The following DCAF6 variants were observed in gnomAD, a reference collection of about 807,000 sequenced individuals.
DCAF6 encodes the protein DDB1- and CUL4-associated factor 6.
DCAF6 carries 54 observed loss-of-function variants against 125.1 expected under a neutral mutation model. The observed-to-expected ratio is 0.43, with a 90% confidence interval of 0.35 to 0.54. The LOEUF is 0.54. Among genes scored for constraint, DCAF6 ranks in the 20% least tolerant of loss-of-function variants. DCAF6 has a pLI of 0.01. For missense variants in DCAF6, 934 were observed against 1,161.7 expected (o/e 0.80, Z 2.85); for synonymous variants, 371 against 390.4 (o/e 0.95, Z 0.58).
At chr1:167,899,369 G>C in the DCAF6 span, 7 of 1,558,974 alleles carry the variant, frequency 4.5e-6, no homozygotes, top group Middle Eastern at 1.7e-4. Context: ...TTCTGGCAGG[G>C]GGCCTCTGTT....
chr1:168,019,925 G>A (rs565405440), intron 11 of DCAF6: 3 of 155,070 alleles, frequency 1.9e-5, no homozygotes, highest in South Asian at 2.0e-4. Flanking sequence ...TGTGTTTGAT[G>A]TTTATAAGTA....
At chr1:167,899,937 C>G in the DCAF6 span, among the ~76,000 whole-genome samples, 1 of 152,156 alleles carries the variant, frequency 6.6e-6, no homozygotes, top group Non-Finnish European at 1.5e-5. Context: ...TTAAGGGCAA[C>G]AGGGAATACC....
At chr1:167,865,770 C>T in the DCAF6 span, among the ~76,000 whole-genome samples, 1 of 152,218 alleles carries the variant, frequency 6.6e-6, no homozygotes, top group African/African-American at 2.4e-5. Flanking sequence ...TCCATCTGCA[C>T]ATTAAACAAA....
At chr1:168,028,418 C>A (rs1686622038) in intron 12 of DCAF6, among the ~76,000 whole-genome samples, 1 of 152,076 alleles carries the variant, frequency 6.6e-6, no homozygotes, top group Non-Finnish European at 1.5e-5. Flanking sequence ...GCTTTCTATT[C>A]CTTACAGTGA....
At chr1:167,906,743 C>T in the DCAF6 span, among the ~76,000 whole-genome samples, 4 of 151,904 alleles carry the variant, frequency 2.6e-5, no homozygotes, top group African/African-American at 4.8e-5. Context: ...GAGCTGAGAT[C>T]GTGTCACTGC....
At chr1:167,957,824 A>G (rs1675005296) in intron 2 of DCAF6, among the ~76,000 whole-genome samples, 1 of 152,088 alleles carries the variant, frequency 6.6e-6, no homozygotes, top group South Asian at 2.1e-4. Flanking sequence ...TATTATAATC[A>G]TCCTAGTGGA....
At chr1:167,904,937 T>G in the DCAF6 span, 1 of 1,613,584 alleles carries the variant, frequency 6.2e-7, no homozygotes, top group Non-Finnish European at 8.5e-7. Context: ...TGCATGTGAA[T>G]TCCCACGCGA....
upstream of DCAF6, chr1:167,935,632 G>A (rs1052007341): frequency 5.5e-6 from 5 of 914,782 alleles, no homozygotes; most frequent in South Asian, 1.5e-5. Context: ...GATTGGGGCT[G>A]TGGATGCCTC....
intron 7 of DCAF6, 59 bp from the exon 8 acceptor site, chr1:168,002,423 A>T: frequency 1.4e-6 from 2 of 1,383,304 alleles, no homozygotes; most frequent in Non-Finnish European, 2.1e-6. Flanking sequence ...GTATGCTTTA[A>T]GAGTTGAGAG....
At chr1:167,992,612 G>T (rs940001253) in intron 6 of DCAF6, among the ~76,000 whole-genome samples, 5 of 152,158 alleles carry the variant, frequency 3.3e-5, no homozygotes, top group African/African-American at 1.2e-4. Context: ...CATTTTGCAA[G>T]GTTATACAGC....
At chr1:167,968,940 A>G (rs920679253) in intron 3 of DCAF6, among the ~76,000 whole-genome samples, 2 of 152,208 alleles carry the variant, frequency 1.3e-5, no homozygotes, top group African/African-American at 4.8e-5. Flanking sequence ...TATTATTGCA[A>G]TGTGAAATTT....
At chr1:167,951,511 GT>G (rs1673934400) in intron 1 of DCAF6, among the ~76,000 whole-genome samples, 1 of 152,094 alleles carries the variant, frequency 6.6e-6, no homozygotes. Context: ...GGAGGCAGAG[GT>G]TGCAGTGAGC....
At chr1:167,992,282 C>CACACACACACACACAA (rs1178289359) in intron 6 of DCAF6, among the ~76,000 whole-genome samples, 3 of 121,652 alleles carry the variant, frequency 2.5e-5, no homozygotes, top group Non-Finnish European at 5.3e-5. Flanking sequence ...CACACACACA[C>CACACACACACACACAA]AAACACCGAA....
chr1:167,880,203 G>A, the DCAF6 span: 4 of 1,609,004 alleles, frequency 2.5e-6, no homozygotes, highest in East Asian at 2.2e-5. Context: ...TGGTGCAGGG[G>A]AGACAAGATT....
the DCAF6 span, among the ~76,000 whole-genome samples, chr1:167,923,737 C>G: frequency 2.7e-5 from 4 of 150,776 alleles, no homozygotes; most frequent in Non-Finnish European, 5.9e-5. Flanking sequence ...GGTTTTCAAA[C>G]TTTAGAGGGC....
chr1:168,022,968 A>G lies in DCAF6; in HGVS notation c.1550-20A>G, dbSNP rs775821269. ...TTTTCTGCTGCTTACTTTTAAGTTG[A>G]AATCTCATTTTTGTTTCAGATTCTC... is the stretch of plus-strand genomic sequence containing the variant. On this transcript the variant is annotated intron_variant, in intron 11 of 21. Coordinates refer to ENST00000367840, the MANE Select transcript of DCAF6 (RefSeq NM_001198956.2). The G allele has an allele frequency of 1.2e-6, 2 of 1,612,950 alleles. No homozygotes were observed. Among genetic ancestry groups the G allele is most frequent in the Non-Finnish European group, 1.7e-6 (2 of 1,179,204 alleles).
the DCAF6 span, among the ~76,000 whole-genome samples, chr1:167,882,441 T>C: frequency 7.3e-6 from 1 of 137,852 alleles, no homozygotes; most frequent in African/African-American, 2.8e-5. Flanking sequence ...GCCGAGATCA[T>C]GCCACTGCAT....
chr1:167,943,217 G>T (rs1672526343), intron 1 of DCAF6, among the ~76,000 whole-genome samples: 1 of 152,000 alleles, frequency 6.6e-6, no homozygotes, highest in Admixed American at 6.6e-5. Flanking sequence ...CCGAAATTTG[G>T]TCTTTTTTAA....
In DCAF6 at chr1:168,075,588, T is replaced by C. The variant is rs1166264051; in HGVS notation, c.*153T>C. Reference sequence around the variant, plus strand: ...ATAACCTAACATTGGTTTGGAATGATTGTGTGCATGAATTTGGGAGATTGT... The same window carrying C: ...ATAACCTAACATTGGTTTGGAATGACTGTGTGCATGAATTTGGGAGATTGT... On this transcript the variant is annotated 3_prime_UTR_variant, in exon 22 of 22. Coordinates refer to ENST00000367840, the MANE Select transcript of DCAF6 (RefSeq NM_001198956.2). 1.6e-6 allele frequency: 1 copy of C among 611,854 alleles called. No individual in the cohort carries two copies. 37.9% of individuals were successfully genotyped at this position (611,854 alleles called of 1,614,324 possible). A position where few individuals can be genotyped will look rare whatever the true frequency, so the allele number is the denominator to read the frequency against.
Sources: gnomAD v4.1 joint callset for allele counts (sites outside exome capture counted in the v4.1 genomes callset) on GRCh38, gnomAD v4.1.1 for gene constraint, MANE v1.5 for transcripts, NCBI Gene and HGNC (gene_info 2026-07-23, HGNC 2026-07-21) for gene names.